The following LMO7 variants were observed in gnomAD, a reference collection of about 807,000 sequenced individuals.
LMO7 encodes the protein LIM domain only protein 7.
In LMO7, 120 loss-of-function variants were observed where a neutral mutation model predicts 206.5. That is an observed-to-expected ratio of 0.58 (90% CI 0.50 to 0.68). The LOEUF is 0.68. LMO7 is among the 30% of genes least tolerant of loss of function. LMO7 has a pLI of 0.00. For missense variants in LMO7, 1,959 were observed against 1,957.9 expected (o/e 1.00, Z -0.01); for synonymous variants, 706 against 681.5 (o/e 1.04, Z -0.56).
chr13:75,790,501 C>T (rs1421446584), intron 4 of LMO7, among the ~76,000 whole-genome samples: 2 of 152,126 alleles, frequency 1.3e-5, no homozygotes, highest in African/African-American at 2.4e-5. Flanking sequence ...CCTCAGGGAA[C>T]GACCCGGCCT....
intron 1 of LMO7, among the ~76,000 whole-genome samples, chr13:75,708,166 T>A (rs2042799666): frequency 6.6e-6 from 1 of 152,202 alleles, no homozygotes; most frequent in South Asian, 2.1e-4. Context: ...TTTCAGCCAC[T>A]ACAAACTAAT....
At chr13:75,645,662 G>A (rs1341454691) in intron 1 of LMO7, among the ~76,000 whole-genome samples, 7 of 152,194 alleles carry the variant, frequency 4.6e-5, no homozygotes, top group Non-Finnish European at 8.8e-5. Flanking sequence ...AGTATCAAAT[G>A]CATTTGGAAT....
Position 75,807,919 on chromosome 13 carries a change from C to A in LMO7, c.1636C>A (p.Pro546Thr), listed in dbSNP as rs771546387. The A allele has an allele frequency of 2.0e-5, 33 of 1,613,868 alleles. No individual in the cohort carries two copies. Among genetic ancestry groups the A allele is most frequent in the Non-Finnish European group, 2.7e-5 (32 of 1,179,894 alleles). Residue 546 changes from proline (P) to threonine (T), a missense_variant, in exon 10 of 31, where the codon CCC (proline) becomes ACC (threonine). Coordinates refer to ENST00000377534, the MANE Select transcript of LMO7 (RefSeq NM_001306080.2). ...DRYHPVPFPE[P>T]WTLPPEIQAK... ...ATACCACCCAGTCCCTTTTCCCGAACCCTGGACTCTTCCTCCAGAAATTCA... is the reference window on the plus strand; with the variant it reads ...ATACCACCCAGTCCCTTTTCCCGAAACCTGGACTCTTCCTCCAGAAATTCA...
intron 3 of LMO7, among the ~76,000 whole-genome samples, chr13:75,741,183 A>G (rs946770038): frequency 1.3e-5 from 2 of 152,354 alleles, no homozygotes; most frequent in Non-Finnish European, 1.5e-5. Flanking sequence ...CACTCTCACA[A>G]TTTGTGACAT....
chr13:75,781,096 C>CT (rs367937964), intron 4 of LMO7, among the ~76,000 whole-genome samples: 830 of 41,848 alleles, frequency 0.02, 15 homozygotes, highest in African/African-American at 0.026. Context: ...CTCTATTTTC[C>CT]TTTTTTTTTT....
chr13:75,786,680 C>T (rs890687917), intron 4 of LMO7, among the ~76,000 whole-genome samples: 12 of 152,076 alleles, frequency 7.9e-5, no homozygotes, highest in South Asian at 4.1e-4. Context: ...CCACCGCGCC[C>T]GGCCTCTCTC....
chr13:75,845,502 G>T lies in LMO7; in HGVS notation c.4150+123G>T, dbSNP rs537339815. On this transcript the variant is annotated intron_variant, in intron 26 of 30. Transcript: ENST00000377534. ...TAAGATTACTTAATTAAAATACTTA[G>T]TATTTTAACCTCTGTATATAAAAAC... is the stretch of plus-strand genomic sequence containing the variant. The T allele has an allele frequency of 2.8e-5, 16 of 578,060 alleles. No individual in the cohort carries two copies. The African/African-American group carries it at 3.0e-4, about 11-fold the overall frequency. 35.8% of individuals were successfully genotyped at this position (578,060 alleles called of 1,614,324 possible).
chr13:75,767,631 T>A (rs2049073625), intron 4 of LMO7, among the ~76,000 whole-genome samples: 1 of 152,040 alleles, frequency 6.6e-6, no homozygotes, highest in African/African-American at 2.4e-5. Context: ...ACTGGAAGGA[T>A]CTGAACACAG....
chr13:75,856,705 T>C, intron 30 of LMO7, 97 bp downstream of exon 30: 2 of 745,314 alleles, frequency 2.7e-6, no homozygotes, highest in Non-Finnish European at 4.9e-6. Flanking sequence ...CCCTCCAAGT[T>C]CACTGCCATA....
chr13:75,834,478 T>C (rs1033035592), intron 17 of LMO7, 91 bp downstream of exon 17: 2 of 990,116 alleles, frequency 2.0e-6, no homozygotes, highest in Non-Finnish European at 2.9e-6. Flanking sequence ...TAACTTTTTA[T>C]TTTTTCACTT....
chr13:75,672,110 T>G (rs2039635892), intron 1 of LMO7, among the ~76,000 whole-genome samples: 1 of 152,076 alleles, frequency 6.6e-6, no homozygotes, highest in African/African-American at 2.4e-5. Context: ...GTTCCTTATA[T>G]AAGATTGTTA....
intron 1 of LMO7, among the ~76,000 whole-genome samples, chr13:75,690,601 A>G (rs964667156): frequency 6.6e-6 from 1 of 152,198 alleles, no homozygotes; most frequent in Admixed American, 6.5e-5. Flanking sequence ...ATTATGGCCA[A>G]TGGGTCTCTG....
At chr13:75,714,949 G>A (rs955269742) in intron 2 of LMO7, among the ~76,000 whole-genome samples, 5 of 151,772 alleles carry the variant, frequency 3.3e-5, no homozygotes, top group Non-Finnish European at 5.9e-5. Context: ...GGGTAGGTTT[G>A]TGCCTTCAAG....
intron 27 of LMO7, 46 bp from the exon 28 acceptor site, chr13:75,853,046 A>T: frequency 7.0e-7 from 1 of 1,418,846 alleles, no homozygotes; most frequent in Non-Finnish European, 9.6e-7. Flanking sequence ...ATAGATTTCT[A>T]GTTGAACATG....
chr13:75,753,408 A>ATTCTT (rs1406786997), intron 3 of LMO7, among the ~76,000 whole-genome samples: 6 of 152,174 alleles, frequency 3.9e-5, no homozygotes, highest in Middle Eastern at 6.8e-3. Flanking sequence ...GAAGCCTTTT[A>ATTCTT]GTTTAAATCC....
intron 1 of LMO7, among the ~76,000 whole-genome samples, chr13:75,708,703 G>A (rs947080397): frequency 1.6e-4 from 24 of 152,146 alleles, no homozygotes; most frequent in African/African-American, 5.1e-4. Context: ...CAGGTTGGTG[G>A]GATAATCCAG....
At chr13:75,680,723 CCCCAACCCCT>C (rs1215629559) in intron 1 of LMO7, among the ~76,000 whole-genome samples, 3 of 152,018 alleles carry the variant, frequency 2.0e-5, no homozygotes, top group African/African-American at 7.3e-5. Flanking sequence ...CTCCCCTATC[CCCCAACCCCT>C]TGACAGGCCC....
intron 1 of LMO7, among the ~76,000 whole-genome samples, chr13:75,663,701 A>G (rs1333505363): frequency 2.6e-5 from 4 of 152,138 alleles, no homozygotes; most frequent in African/African-American, 9.7e-5. Context: ...AAGTGCTGGG[A>G]TTACAGGCGT....
chr13:75,741,345 A>G (rs1370394445), intron 3 of LMO7, among the ~76,000 whole-genome samples: 2 of 152,210 alleles, frequency 1.3e-5, no homozygotes, highest in Non-Finnish European at 2.9e-5. Flanking sequence ...ACCATTATCA[A>G]TGTATTATTC....
Sources: allele counts gnomAD v4.1 joint callset (sites outside exome capture counted in the v4.1 genomes callset), GRCh38; gene constraint gnomAD v4.1.1; transcripts MANE v1.5; gene names NCBI Gene and HGNC (gene_info 2026-07-23, HGNC 2026-07-21).